Variants in CTPS2 observed in about 807,000 individuals in gnomAD.
CTPS2 encodes CTP synthase 2.
CTPS2 carries 19 observed loss-of-function variants against 46.8 expected under a neutral mutation model. The observed-to-expected ratio is 0.41, with a 90% CI of 0.28 to 0.60. The LOEUF is 0.60. CTPS2 is among the 20% of genes least tolerant of loss of function. The probability of loss-of-function intolerance (pLI) is 0.35; values close to 1 mark genes in which losing one functional copy is unlikely to be tolerated. For missense variants in CTPS2, 286 were observed against 447.6 expected (o/e 0.64, Z 3.26); for synonymous variants, 151 against 165.2 (o/e 0.91, Z 0.66).
intron 14 of CTPS2, among the ~76,000 whole-genome samples, chrX:16,634,118 C>G (rs1001753156): frequency 1.8e-5 from 2 of 111,462 alleles, no homozygotes; most frequent in Non-Finnish European, 3.8e-5. Flanking sequence ...AAAAGTGATG[C>G]CACCAGAAAA....
chrX:16,642,952 T>G (rs146364088), intron 13 of CTPS2, among the ~76,000 whole-genome samples: 1 of 112,285 alleles, frequency 8.9e-6, no homozygotes, highest in African/African-American at 3.2e-5. Context: ...TCAGCCTAAA[T>G]ACTGGCTGTC....
At chrX:16,594,068 GACTT>G (rs1432887086) in intron 17 of CTPS2, among the ~76,000 whole-genome samples, 1 of 111,489 alleles carries the variant, frequency 9.0e-6, no homozygotes, top group East Asian at 2.8e-4. Context: ...ACGTTCAAGT[GACTT>G]ACTTGGCACA....
intron 13 of CTPS2, among the ~76,000 whole-genome samples, chrX:16,655,691 C>T (rs140954824): frequency 7.1e-5 from 8 of 112,303 alleles, no homozygotes; most frequent in African/African-American, 2.3e-4. Context: ...TCTTTATCCT[C>T]GCAACTCTCC....
chrX:16,599,466 T>C (rs1327404846), intron 17 of CTPS2, among the ~76,000 whole-genome samples: 3 of 99,324 alleles, frequency 3.0e-5, no homozygotes, highest in African/African-American at 1.2e-4. Context: ...TTTTTCTTTT[T>C]CTTTTTTTTC....
chrX:16,702,992 T>A, intron 1 of CTPS2, 51 bp from the exon 2 acceptor site: 1 of 789,413 alleles, frequency 1.3e-6, no homozygotes, highest in Non-Finnish European at 1.8e-6. Context: ...TTAAAACTAG[T>A]AAAGCAGACA....
intron 10 of CTPS2, among the ~76,000 whole-genome samples, chrX:16,674,642 T>G (rs1381746980): frequency 2.2e-3 from 226 of 102,626 alleles, no homozygotes; most frequent in East Asian, 9.1e-3. Flanking sequence ...ATCGAGACCA[T>G]CCTGGCTAAC....
At chrX:16,699,601 A>G (rs1313075228) in intron 2 of CTPS2, among the ~76,000 whole-genome samples, 1 of 112,717 alleles carries the variant, frequency 8.9e-6, no homozygotes, top group African/African-American at 3.2e-5. Context: ...ACTGTCATAA[A>G]AGACAGGTGC....
intron 13 of CTPS2, chrX:16,654,596 G>A: frequency 2.1e-6 from 1 of 471,332 alleles, no homozygotes; most frequent in Non-Finnish European, 3.5e-6. Context: ...CAAAGTCTCT[G>A]GTTTAATTCT....
chrX:16,687,474 CAAAAAAAAAA>C (rs35798035), intron 8 of CTPS2, among the ~76,000 whole-genome samples: 2 of 44,421 alleles, frequency 4.5e-5, no homozygotes, highest in Non-Finnish European at 8.1e-5. Context: ...CACCCTGTGT[CAAAAAAAAAA>C]AAAAAAAAAA....
chrX:16,661,205 C>T (rs747636041), intron 13 of CTPS2, among the ~76,000 whole-genome samples: 9 of 111,570 alleles, frequency 8.1e-5, no homozygotes, highest in South Asian at 7.5e-4. Context: ...GGCGATCCAC[C>T]GGCCTCAGCC....
In CTPS2 at chrX:16,693,474, A is replaced by G; in HGVS notation, c.452T>C (p.Ile151Thr). 1.7e-6 allele frequency: 2 copies of G among 1,193,367 alleles called. No homozygotes were observed. Among genetic ancestry groups the G allele is most frequent in the Non-Finnish European group, 1.1e-6 (1 of 880,493 alleles). Residue 151 changes from isoleucine to threonine, a missense_variant, in exon 5 of 19, where the codon ATT (isoleucine) becomes ACT (threonine). Physicochemically the swap from Ile to Thr is moderately conservative, Grantham distance 89. Transcript: ENST00000359276. ...AAACGGCATTCCTTCGATGTCTCCA[A>G]TGGTGCCTCCCAGCTGGGAATGGAA... ...QICVIELGGT[I>T]GDIEGMPFVE...
intron 17 of CTPS2, among the ~76,000 whole-genome samples, chrX:16,603,563 G>A (rs1448935925): frequency 9.0e-6 from 1 of 110,613 alleles, no homozygotes; most frequent in Admixed American, 9.7e-5. Flanking sequence ...AAATAAAAGA[G>A]TGTGGGTGTG....
At chrX:16,604,890 T>C (rs1439037321) in intron 17 of CTPS2, among the ~76,000 whole-genome samples, 1 of 112,242 alleles carries the variant, frequency 8.9e-6, no homozygotes, top group Non-Finnish European at 1.9e-5. Context: ...CAGCAAAGAA[T>C]TGCAATGATT....
chrX:16,650,770 C>G (rs887937818), intron 13 of CTPS2, among the ~76,000 whole-genome samples: 1 of 110,407 alleles, frequency 9.1e-6, no homozygotes, highest in African/African-American at 3.3e-5. Context: ...CTTGGCCTCC[C>G]AAAGTGCTGG....
At chrX:16,661,953 C>T (rs1466205208) in intron 13 of CTPS2, among the ~76,000 whole-genome samples, 2 of 105,514 alleles carry the variant, frequency 1.9e-5, no homozygotes, top group African/African-American at 6.9e-5. Context: ...TAGAGTTAAG[C>T]ACATTCACAT....
chrX:16,618,862 A>G (rs934922254), intron 15 of CTPS2, among the ~76,000 whole-genome samples: 2 of 112,165 alleles, frequency 1.8e-5, no homozygotes, highest in Non-Finnish European at 3.8e-5. Flanking sequence ...ATCTGTAATT[A>G]TTATGTTATC....
At chrX:16,697,968 A>T (rs928200953) in intron 4 of CTPS2, among the ~76,000 whole-genome samples, 4 of 111,194 alleles carry the variant, frequency 3.6e-5, no homozygotes, top group African/African-American at 1.3e-4. Flanking sequence ...CCTCACATTG[A>T]CTTTATCAGC....
At chrX:16,633,275 A>G (rs747151754) in intron 14 of CTPS2, among the ~76,000 whole-genome samples, 1 of 109,313 alleles carries the variant, frequency 9.1e-6, no homozygotes, top group South Asian at 4.0e-4. Context: ...TTTTGTAGAG[A>G]CAGGGTCTCA....
intron 13 of CTPS2, among the ~76,000 whole-genome samples, chrX:16,665,763 T>C (rs758309438): frequency 1.8e-5 from 2 of 112,121 alleles, no homozygotes; most frequent in African/African-American, 6.5e-5. Context: ...TGTTTGTTTG[T>C]TTTTTGAGAC....
Sources: allele counts gnomAD v4.1 joint callset (sites outside exome capture counted in the v4.1 genomes callset), GRCh38; gene constraint gnomAD v4.1.1; transcripts MANE v1.5; gene names NCBI Gene and HGNC (gene_info 2026-07-23, HGNC 2026-07-21).